The following ESRRG variants were observed in gnomAD, a reference collection of about 807,000 sequenced individuals.
ESRRG encodes estrogen-related receptor gamma.
A neutral mutation model predicts 44.0 loss-of-function variants in ESRRG; 13 were observed. The observed-to-expected ratio is 0.30, with a 90% confidence interval of 0.19 to 0.47. The LOEUF (loss-of-function observed/expected upper bound fraction) is 0.47, where lower values mean the gene tolerates loss of function less well. Among genes scored for constraint, ESRRG ranks in the 20% least tolerant of loss-of-function variants. The pLI is 1.00. For synonymous variants in ESRRG, 215 were observed against 214.6 expected, an observed-to-expected ratio of 1.00 and a Z score of -0.02; for missense variants, 395 against 580.6, an observed-to-expected ratio of 0.68 and a Z score of 3.29.
At chr1:216,954,025 T>C (rs147065734) in intron 1 of ESRRG, among the ~76,000 whole-genome samples, 5 of 152,274 alleles carry the variant, frequency 3.3e-5, no homozygotes, top group African/African-American at 1.2e-4. Context: ...AGATTTTCTA[T>C]AGATTCCATG....
chr1:216,585,159 C>T (rs1573557781), intron 3 of ESRRG, among the ~76,000 whole-genome samples: 2 of 152,058 alleles, frequency 1.3e-5, no homozygotes, highest in Non-Finnish European at 2.9e-5. Context: ...GAAAATATTG[C>T]TTGACATTTT....
At chr1:216,569,051 TGAAA>T (rs563863351) in intron 3 of ESRRG, among the ~76,000 whole-genome samples, 1 of 137,734 alleles carries the variant, frequency 7.3e-6, no homozygotes, top group Non-Finnish European at 1.5e-5. Context: ...TGAAACTCTG[TGAAA>T]GAAAGAAAGA....
At chr1:217,098,768 A>G (rs770443323) in intron 1 of ESRRG, among the ~76,000 whole-genome samples, 1 of 152,204 alleles carries the variant, frequency 6.6e-6, no homozygotes, top group African/African-American at 2.4e-5. Flanking sequence ...TATTATTTCC[A>G]AAGCGATTGA....
intron 1 of ESRRG, among the ~76,000 whole-genome samples, chr1:216,715,753 T>A (rs2084721847): frequency 6.6e-6 from 1 of 152,282 alleles, no homozygotes; most frequent in East Asian, 1.9e-4. Flanking sequence ...ACATAATAAC[T>A]GCCTTGAAAA....
intron 3 of ESRRG, among the ~76,000 whole-genome samples, chr1:216,576,215 TATC>T (rs1446876600): frequency 6.6e-6 from 1 of 152,048 alleles, no homozygotes; most frequent in Non-Finnish European, 1.5e-5. Flanking sequence ...TGTGCTGGAA[TATC>T]ATGACAACAA....
chr1:217,091,871 T>C (rs73103043), upstream of ESRRG, among the ~76,000 whole-genome samples: 7,073 of 152,298 alleles, frequency 0.046, 366 homozygotes, highest in African/African-American at 0.12. Flanking sequence ...CCAGCTTTTT[T>C]ACTTATTAAC....
intron 2 of ESRRG, among the ~76,000 whole-genome samples, chr1:216,890,878 ATG>A (rs948388525): frequency 9.9e-5 from 15 of 152,190 alleles, no homozygotes; most frequent in African/African-American, 3.6e-4. Context: ...TTTCTTTTAA[ATG>A]TTTGTGTCCC....
chr1:216,676,111 T>C (rs1346635283), intron 2 of ESRRG, among the ~76,000 whole-genome samples: 1 of 152,178 alleles, frequency 6.6e-6, no homozygotes, highest in African/African-American at 2.4e-5. Context: ...AAAATATATT[T>C]TTTTCTTCCC....
chr1:217,031,838 G>A (rs2082109926), intron 1 of ESRRG, among the ~76,000 whole-genome samples: 1 of 152,176 alleles, frequency 6.6e-6, no homozygotes, highest in Non-Finnish European at 1.5e-5. Context: ...AGAAGGATGT[G>A]TTTGTTTCCC....
At chr1:216,596,745 G>A (rs533102490) in intron 3 of ESRRG, among the ~76,000 whole-genome samples, 9 of 152,078 alleles carry the variant, frequency 5.9e-5, no homozygotes, top group East Asian at 1.9e-4. Flanking sequence ...AGGCTTCCTC[G>A]TCCAAACAGT....
At chr1:216,708,293 T>A (rs1055291725) in intron 1 of ESRRG, among the ~76,000 whole-genome samples, 2 of 152,080 alleles carry the variant, frequency 1.3e-5, no homozygotes, top group African/African-American at 4.8e-5. Context: ...ATATAAAAGA[T>A]AATAAAAGTA....
intron 1 of ESRRG, among the ~76,000 whole-genome samples, chr1:216,961,756 A>G (rs984336016): frequency 3.9e-5 from 6 of 152,200 alleles, no homozygotes; most frequent in Non-Finnish European, 8.8e-5. Context: ...AATTACCTGC[A>G]TGACAGCAAA....
At chr1:216,965,159 C>A (rs528927845) in intron 1 of ESRRG, among the ~76,000 whole-genome samples, 22 of 99,836 alleles carry the variant, frequency 2.2e-4, no homozygotes, top group African/African-American at 7.4e-4. Context: ...TACACATATG[C>A]CTTTTTTTTT....
Position 216,506,190 on chromosome 1 carries a change from T to C in ESRRG, c.*749A>G, listed in dbSNP as rs2041167203. The C allele has an allele frequency of 6.5e-6, 1 of 153,940 alleles. No homozygotes were observed. The highest frequency in any genetic ancestry group is 1.5e-5 in the Non-Finnish European group (1 of 68,846). 9.5% of individuals were successfully genotyped at this position (153,940 alleles called of 1,614,324 possible). A position where few individuals can be genotyped will look rare whatever the true frequency, so the allele number is the denominator to read the frequency against. The stretch of plus-strand genomic sequence containing the variant: ...ATGCAACGTTGCTTAAGTTGTCTAA[T>C]TAGAGGCTGCTCCCATGAAATCTAA... On this transcript the variant is annotated 3_prime_UTR_variant, in exon 7 of 7. Coordinates refer to ENST00000408911, the MANE Select transcript of ESRRG (RefSeq NM_001438.4).
chr1:216,663,981 T>C (rs1209711794), intron 2 of ESRRG, among the ~76,000 whole-genome samples: 1 of 152,142 alleles, frequency 6.6e-6, no homozygotes. Flanking sequence ...TTAAGGGATT[T>C]CTAAAAATGA....
chr1:217,096,105 G>A (rs2092419338), intron 1 of ESRRG, among the ~76,000 whole-genome samples: 1 of 152,132 alleles, frequency 6.6e-6, no homozygotes, highest in Non-Finnish European at 1.5e-5. Flanking sequence ...AGGAAAAATA[G>A]TGTTGGTGAC....
chr1:216,694,129 T>C (rs2079619939), intron 1 of ESRRG, among the ~76,000 whole-genome samples: 1 of 152,196 alleles, frequency 6.6e-6, no homozygotes, highest in African/African-American at 2.4e-5. Context: ...TTGCTAAAGG[T>C]AAACTCTGAC....
intron 1 of ESRRG, among the ~76,000 whole-genome samples, chr1:216,962,501 T>C (rs2069310459): frequency 6.6e-6 from 1 of 152,202 alleles, no homozygotes; most frequent in Non-Finnish European, 1.5e-5. Context: ...ATTTAATCTG[T>C]AAAGTCCTGC....
chr1:217,018,537 T>G (rs1243536785), intron 1 of ESRRG, among the ~76,000 whole-genome samples: 1 of 152,160 alleles, frequency 6.6e-6, no homozygotes, highest in African/African-American at 2.4e-5. Flanking sequence ...CTCATTTTGC[T>G]GCTCAGCTCC....
Sources: gnomAD v4.1 joint callset for allele counts (sites outside exome capture counted in the v4.1 genomes callset) on GRCh38, gnomAD v4.1.1 for gene constraint, MANE v1.5 for transcripts, NCBI Gene and HGNC (gene_info 2026-07-23, HGNC 2026-07-21) for gene names.